CHEK1: variants seen among roughly 807,000 people sequenced by gnomAD.
CHEK1 encodes the protein serine/threonine-protein kinase Chk1.
A neutral mutation model predicts 60.2 loss-of-function variants in CHEK1; 32 were observed. That is an observed-to-expected ratio of 0.53 (90% CI 0.40 to 0.71). CHEK1 has a LOEUF of 0.71. CHEK1 is among the 30% of genes least tolerant of loss of function. CHEK1 has a pLI of 0.00. For synonymous variants in CHEK1, 179 were observed against 187.2 expected, an observed-to-expected ratio of 0.96 and a Z score of 0.36; for missense variants, 399 against 564.6, an observed-to-expected ratio of 0.71 and a Z score of 2.97.
At chr11:125,668,182 TAA>T (rs944212940) in intron 13 of CHEK1, among the ~76,000 whole-genome samples, 1 of 152,060 alleles carries the variant, frequency 6.6e-6, no homozygotes, top group Non-Finnish European at 1.5e-5. Flanking sequence ...ATGTCTTTTG[TAA>T]AAAAAAGTTT....
chr11:125,640,880 C>T (rs770569414), intron 8 of CHEK1, among the ~76,000 whole-genome samples: 1 of 152,156 alleles, frequency 6.6e-6, no homozygotes, highest in Non-Finnish European at 1.5e-5. Flanking sequence ...CCACCCACCC[C>T]GGCCTCCCAA....
chr11:125,627,597 T>G lies in CHEK1; in HGVS notation c.66-10T>G. The stretch of plus-strand genomic sequence containing the variant: ...GAATTCTGTAATGTTAAAACTCTTT[T>G]CCTTTTTAGAGTTCAACTTGCTGTG... On this transcript the variant is annotated splice_polypyrimidine_tract_variant and intron_variant, in intron 2 of 12. Coordinates refer to ENST00000438015, the MANE Select transcript of CHEK1 (RefSeq NM_001114122.3). 1 of 1,596,878 alleles carries G rather than the reference T, an allele frequency of 6.3e-7. No individual in the cohort carries two copies. The highest frequency in any genetic ancestry group is 8.5e-7 in the Non-Finnish European group (1 of 1,173,246).
chr11:125,628,567 A>G (rs1217819488), intron 3 of CHEK1, among the ~76,000 whole-genome samples: 1 of 152,316 alleles, frequency 6.6e-6, no homozygotes, highest in African/African-American at 2.4e-5. Context: ...CTTTCATAAT[A>G]AAACTGTTTC....
At chr11:125,629,145 G>A in intron 3 of CHEK1, 87 bp from the exon 4 acceptor site, 2 of 1,328,652 alleles carry the variant, frequency 1.5e-6, no homozygotes, top group Non-Finnish European at 2.2e-6. Context: ...AAGCACATTT[G>A]TAAATGTCTA....
rs542503735 is a variant in CHEK1 at position 125,646,732 on chromosome 11, G to A, written c.1233+2089G>A. 5.8e-4 allele frequency among the ~76,000 whole-genome samples: 88 copies of A among 152,102 alleles called. 2 individuals are homozygous for A. The South Asian group carries it at 0.018, about 32-fold the overall frequency. On this transcript the variant is annotated intron_variant, in intron 11 of 12. Transcript: ENST00000438015. ...TCTCTCTAAAGACTAATGATCTTGA[G>A]CATATTCTTATATGCTTATTGGCCA...
intron 5 of CHEK1, among the ~76,000 whole-genome samples, chr11:125,632,093 T>C (rs1236777735): frequency 6.6e-6 from 1 of 152,108 alleles, no homozygotes; most frequent in African/African-American, 2.4e-5. Context: ...TGCTATAATA[T>C]TTTTTATGCT....
In CHEK1 at chr11:125,656,137, C is replaced by T. The variant is rs1007335617; in HGVS notation, c.*817C>T. ...GAAAAATAGATCTGATTCTTTGTTC[C>T]TTTACCTGTTAGACTTACAAAAAGT... On this transcript the variant is annotated 3_prime_UTR_variant, in exon 13 of 13. Transcript: ENST00000438015. 9.5e-6 allele frequency: 2 copies of T among 211,430 alleles called. No individual in the cohort carries two copies. The highest frequency in any genetic ancestry group is 1.2e-4 in the Admixed American group (2 of 16,990). The allele number at this position is 211,430 out of a possible 1,614,324, so 13.1% of individuals were successfully genotyped here. A position where few individuals can be genotyped will look rare whatever the true frequency, so the allele number is the denominator to read the frequency against.
At chr11:125,636,285 T>C (rs533455004) in intron 7 of CHEK1, 171 of 152,310 alleles carry the variant, frequency 1.1e-3, no homozygotes, top group African/African-American at 3.8e-3. Flanking sequence ...TGACTATAAT[T>C]GTAGGTCTAC....
chr11:125,638,580 G>T (rs543326629), intron 8 of CHEK1, among the ~76,000 whole-genome samples: 1 of 152,186 alleles, frequency 6.6e-6, no homozygotes, highest in East Asian at 1.9e-4. Context: ...CTAACTTAAA[G>T]TCCAATTCTC....
At chr11:125,678,618 C>T (rs748990211), downstream of CHEK1, among the ~76,000 whole-genome samples, 20 of 152,062 alleles carry the variant, frequency 1.3e-4, no homozygotes, top group South Asian at 3.1e-3. Context: ...AATGTGCCTC[C>T]CTGACAAAGT....
Position 125,653,720 on chromosome 11 carries a change from G to T in CHEK1, c.1234-26G>T. On this transcript the variant is annotated intron_variant, in intron 11 of 12. Transcript: ENST00000438015. This position sits in a 1 kb window ranked among gnomAD's most constrained non-coding sequence, Gnocchi z 4.3. The stretch of plus-strand genomic sequence containing the variant: ...AGTTTATTATCTACTCACCCATGTG[G>T]CTTAACCTTATTTTTGTTGCCTTAG... 8.2e-7 allele frequency: 1 copy of T among 1,224,308 alleles called. No homozygotes were observed. Among genetic ancestry groups the T allele is most frequent in the South Asian group, 1.3e-5 (1 of 77,570 alleles). 75.8% of individuals were successfully genotyped at this position (1,224,308 alleles called of 1,614,324 possible). A position where few individuals can be genotyped will look rare whatever the true frequency, so the allele number is the denominator to read the frequency against.
chr11:125,670,534 C>T (rs1942183101), intron 13 of CHEK1, among the ~76,000 whole-genome samples: 1 of 152,110 alleles, frequency 6.6e-6, no homozygotes, highest in Non-Finnish European at 1.5e-5. Flanking sequence ...AAAATCACTG[C>T]CCTATTTTTT....
chr11:125,633,397 T>G (rs1364370248), intron 6 of CHEK1, 46 bp downstream of exon 6: 1 of 1,404,402 alleles, frequency 7.1e-7, no homozygotes. Context: ...AAAGTCAGAT[T>G]AGTTATACTG....
intron 3 of CHEK1, among the ~76,000 whole-genome samples, 171 bp downstream of exon 3, chr11:125,628,001 A>G (rs1024850603): frequency 5.9e-5 from 9 of 152,358 alleles, no homozygotes; most frequent in South Asian, 2.1e-4. Flanking sequence ...ATAAAAGCAT[A>G]TATAGAGTCA....
chr11:125,638,393 T>G (rs1267968189), intron 8 of CHEK1, among the ~76,000 whole-genome samples: 1 of 152,120 alleles, frequency 6.6e-6, no homozygotes, highest in Non-Finnish European at 1.5e-5. Flanking sequence ...TAAGAACTAG[T>G]ATTGATAGGA....
At chr11:125,670,247 T>A (rs1474104470) in intron 13 of CHEK1, among the ~76,000 whole-genome samples, 1 of 152,232 alleles carries the variant, frequency 6.6e-6, no homozygotes, top group African/African-American at 2.4e-5. Context: ...ATGGCACTAT[T>A]TTCCTTTACA....
At chr11:125,676,836 C>G (rs1942535140), downstream of CHEK1, among the ~76,000 whole-genome samples, 1 of 152,198 alleles carries the variant, frequency 6.6e-6, no homozygotes, top group Non-Finnish European at 1.5e-5. Flanking sequence ...TACTCCCCAT[C>G]ATACTCTCAC....
At chr11:125,636,052 A>G (rs2135999351) in intron 7 of CHEK1, 1 of 152,288 alleles carries the variant, frequency 6.6e-6, no homozygotes, top group Non-Finnish European at 1.5e-5. Flanking sequence ...GTATTTGTGT[A>G]TCTAAGTATA....
chr11:125,678,068 A>G, downstream of CHEK1: 1 of 1,614,208 alleles, frequency 6.2e-7, no homozygotes, highest in Non-Finnish European at 8.5e-7. Flanking sequence ...GCTCACCTGA[A>G]GCATGCTCAC....
Sources: gnomAD v4.1 joint callset for allele counts (sites outside exome capture counted in the v4.1 genomes callset) on GRCh38, gnomAD v4.1.1 for gene constraint, Gnocchi (gnomAD v3.1) non-coding constraint, MANE v1.5 for transcripts, NCBI Gene and HGNC (gene_info 2026-07-23, HGNC 2026-07-21) for gene names.